CERK: variants seen among roughly 807,000 people sequenced by gnomAD.
CERK encodes ceramide kinase.
In CERK, 39 loss-of-function variants were observed where a neutral mutation model predicts 63.4. The ratio of observed to expected loss-of-function variants is 0.61; its 90% CI spans 0.48 to 0.80. CERK has a LOEUF of 0.80. Among genes scored for constraint, CERK ranks in the 30% least tolerant of loss-of-function variants. CERK has a pLI of 0.00. For missense variants in CERK, 670 were observed against 714.1 expected (o/e 0.94, Z 0.70); for synonymous variants, 302 against 280.0 (o/e 1.08, Z -0.78).
At chr22:46,734,929 G>T (rs2082965239) in intron 1 of CERK, among the ~76,000 whole-genome samples, 1 of 152,082 alleles carries the variant, frequency 6.6e-6, no homozygotes, top group East Asian at 1.9e-4. Context: ...ACTTTGCAGG[G>T]TGTGCTGAGG....
intron 10 of CERK, 37 bp downstream of exon 10, chr22:46,693,390 C>G: frequency 1.3e-6 from 2 of 1,579,284 alleles, no homozygotes; most frequent in Non-Finnish European, 1.7e-6. Flanking sequence ...CTCCAGCACA[C>G]ACAGTGACAA....
chr22:46,735,293 C>T (rs1431856128), intron 1 of CERK: 1 of 152,308 alleles, frequency 6.6e-6, no homozygotes, highest in Non-Finnish European at 1.5e-5. Context: ...GTCGCGGCTT[C>T]CTCAGGTGCA....
chr22:46,707,716 G>T, intron 6 of CERK, 127 bp downstream of exon 6: 1 of 1,098,044 alleles, frequency 9.1e-7, no homozygotes, highest in Non-Finnish European at 1.3e-6. Context: ...TGGCCCTAAT[G>T]TTAGGAAATC....
chr22:46,695,029 T>C (rs1185305128), intron 9 of CERK, among the ~76,000 whole-genome samples, 181 bp downstream of exon 9: 2 of 152,170 alleles, frequency 1.3e-5, no homozygotes, highest in Non-Finnish European at 2.9e-5. Context: ...GGGACAGAGA[T>C]GGGGACAGCA....
chr22:46,734,178 A>T (rs1457257417), intron 1 of CERK, among the ~76,000 whole-genome samples: 1 of 152,118 alleles, frequency 6.6e-6, no homozygotes, highest in Non-Finnish European at 1.5e-5. Flanking sequence ...GTCTTTATCC[A>T]CATAGTCAAG....
At chr22:46,700,932 A>C (rs1314882869) in intron 7 of CERK, among the ~76,000 whole-genome samples, 8 of 145,278 alleles carry the variant, frequency 5.5e-5, no homozygotes, top group African/African-American at 7.7e-5. Flanking sequence ...AATCGCTTGA[A>C]CTTGGGAGGT....
rs567411151 is a variant in CERK, at chr22:46,707,737, A to C, written c.715+106T>G. ...TAATGTTAGGAAATCTGTACGAACTAAACTGAGTATAATTGGGTTATTAAG... is the reference window on the plus strand; with the variant it reads ...TAATGTTAGGAAATCTGTACGAACTCAACTGAGTATAATTGGGTTATTAAG... On this transcript the variant is annotated intron_variant, in intron 6 of 12. Transcript: ENST00000216264. The C allele has an allele frequency of 6.5e-5, 85 of 1,301,730 alleles. No individual in the cohort carries two copies. In the African/African-American group the frequency reaches 1.2e-3, roughly 18 times the overall value. 80.6% of individuals were successfully genotyped at this position (1,301,730 alleles called of 1,614,324 possible). A position where few individuals can be genotyped will look rare whatever the true frequency, so the allele number is the denominator to read the frequency against.
chr22:46,720,911 C>T lies in CERK; in HGVS notation c.247G>A (p.Ala83Thr), dbSNP rs757806921. The change falls in exon 2 of 13, where the codon GCT becomes ACT. Residue 83 changes from alanine (A) to threonine (T), a missense_variant. Transcript: ENST00000216264. ...GKWQKMEKPY[A>T]FTVHCVKRAR... ...CATTTAGGCTTATCACCTGTAAAAG[C>T]GTAAGGCTTTTCCATTTTCTGCCAT... 7 of 1,601,746 alleles carry T rather than the reference C, an allele frequency of 4.4e-6. No homozygotes were observed. Among genetic ancestry groups the T allele is most frequent in the Middle Eastern group, 1.7e-4 (1 of 6,032 alleles).
intron 2 of CERK, among the ~76,000 whole-genome samples, chr22:46,720,522 C>T (rs1358108084): frequency 1.3e-5 from 2 of 152,072 alleles, no homozygotes; most frequent in African/African-American, 4.8e-5. Context: ...TGGTGAAACC[C>T]CGTCTTTACT....
At chr22:46,699,489 G>C (rs779590444) in intron 7 of CERK, 24 bp from the exon 8 acceptor site, 1 of 1,612,608 alleles carries the variant, frequency 6.2e-7, no homozygotes, top group South Asian at 1.1e-5. Context: ...CGGCCGTGAG[G>C]GAAGGCAGCC....
At chr22:46,690,316 C>G (rs2082724175) in intron 11 of CERK, 116 bp from the exon 12 acceptor site, 1 of 716,584 alleles carries the variant, frequency 1.4e-6, no homozygotes, top group Admixed American at 2.9e-5. Context: ...ACACACGGCC[C>G]TTCTCGGAGG....
chr22:46,703,368 A>G (rs1009086252), intron 6 of CERK, among the ~76,000 whole-genome samples: 3 of 149,940 alleles, frequency 2.0e-5, no homozygotes, highest in South Asian at 2.1e-4. Context: ...TCCTGCCCCC[A>G]GCCAGCAAGA....
At chr22:46,716,075 A>C (rs1291649783) in intron 3 of CERK, among the ~76,000 whole-genome samples, 1 of 152,090 alleles carries the variant, frequency 6.6e-6, no homozygotes. Flanking sequence ...CTGTAGTCTC[A>C]GCTACTTGCG....
chr22:46,690,299 T>G (rs2082724076), intron 11 of CERK, 99 bp from the exon 12 acceptor site: 2 of 861,302 alleles, frequency 2.3e-6, no homozygotes, highest in African/African-American at 3.4e-5. Flanking sequence ...CTGTCAGGCC[T>G]GGGTGCACAC....
At position 46,707,895 on chromosome 22, in the gene CERK, G is replaced by A; in HGVS notation, c.663C>T (p.His221=). The A allele has an allele frequency of 1.2e-6, 2 of 1,614,038 alleles. No homozygotes were observed. The highest frequency in any genetic ancestry group is 1.7e-6 in the Non-Finnish European group (2 of 1,179,952). The change falls in exon 6 of 13, where the codon CAC becomes CAT. Residue 221 remains histidine, a synonymous_variant. Coordinates refer to ENST00000216264, the MANE Select transcript of CERK (RefSeq NM_022766.6). ...TQRSAGVDQN[H]PRAVLVPSSL... ...TACTGGGGACCAGCACAGCCCGGGG[G>A]TGGTTCTGGTCGACCCCGGCGCTCC... is the stretch of plus-strand genomic sequence containing the variant.
At chr22:46,728,605 A>T (rs555209863) in intron 1 of CERK, among the ~76,000 whole-genome samples, 6 of 152,338 alleles carry the variant, frequency 3.9e-5, no homozygotes, top group African/African-American at 1.2e-4. Context: ...TCAGACATCT[A>T]GTTCTGGCCA....
rs1306687065 is a variant in CERK at position 46,714,625 on chromosome 22, ACTT to A, written c.380-2335_380-2333del. On this transcript the variant is annotated intron_variant, in intron 3 of 12. Transcript: ENST00000216264. The surrounding 1 kb of genome is among the most constrained non-coding windows in gnomAD (Gnocchi z 4.4). ...AAAGACACCAAAGCTATTAATGAAAACTTCTCACAAAGAAAACTCCAAGCCCAG... is the reference window on the plus strand; with the variant it reads ...AAAGACACCAAAGCTATTAATGAAAACTCACAAAGAAAACTCCAAGCCCAG... Among the ~76,000 whole-genome samples, 1 of 152,220 alleles carries A rather than the reference ACTT, an allele frequency of 6.6e-6. No homozygotes were observed. Among genetic ancestry groups the A allele is most frequent in the East Asian group, 1.9e-4 (1 of 5,202 alleles).
intron 3 of CERK, among the ~76,000 whole-genome samples, chr22:46,717,466 C>T (rs369968181): frequency 3.9e-4 from 60 of 152,356 alleles, no homozygotes; most frequent in African/African-American, 1.3e-3. Flanking sequence ...CAAACGGCAG[C>T]CCCACGCGAG....
chr22:46,713,729 AGAGACTG>A (rs1266359287), intron 3 of CERK, among the ~76,000 whole-genome samples: 1 of 152,146 alleles, frequency 6.6e-6, no homozygotes, highest in Non-Finnish European at 1.5e-5. Context: ...CAGTATGCAG[AGAGACTG>A]GAGGCTTCCA....
Sources: gnomAD v4.1 joint callset for allele counts (sites outside exome capture counted in the v4.1 genomes callset) on GRCh38, gnomAD v4.1.1 for gene constraint, Gnocchi (gnomAD v3.1) non-coding constraint, MANE v1.5 for transcripts, NCBI Gene and HGNC (gene_info 2026-07-23, HGNC 2026-07-21) for gene names.